Variants in EDAR observed in about 807,000 individuals in gnomAD.
The protein encoded by EDAR is tumor necrosis factor receptor superfamily member EDAR.
In EDAR, 38 loss-of-function variants were observed where a neutral mutation model predicts 51.3. The ratio of observed to expected loss-of-function variants is 0.74; its 90% CI spans 0.57 to 0.97. The LOEUF (loss-of-function observed/expected upper bound fraction) is 0.97, where lower values mean the gene tolerates loss of function less well. Ranked by LOEUF, EDAR falls within the 50% of genes least tolerant of loss-of-function variation. The pLI, the probability that EDAR is intolerant of heterozygous loss-of-function variation, is 0.00. For synonymous variants in EDAR, 227 were observed against 242.1 expected (o/e 0.94, Z 0.58); for missense variants, 528 against 595.0 (o/e 0.89, Z 1.17).
intron 8 of EDAR, 25 bp from the exon 9 acceptor site, chr2:108,910,557 GA>G (rs751570024): frequency 1.3e-6 from 2 of 1,596,436 alleles, no homozygotes; most frequent in South Asian, 2.2e-5. Context: ...GGAGGTTGGG[GA>G]GATAGGAGTT....
chr2:108,967,708 T>C (rs1342791676), intron 1 of EDAR, among the ~76,000 whole-genome samples: 1 of 152,180 alleles, frequency 6.6e-6, no homozygotes, highest in Non-Finnish European at 1.5e-5. Context: ...TCTTTTCCCC[T>C]TATCCCTCAA....
chr2:108,957,502 G>A (rs1467039496), intron 1 of EDAR, among the ~76,000 whole-genome samples: 2 of 152,232 alleles, frequency 1.3e-5, no homozygotes, highest in Non-Finnish European at 2.9e-5. Context: ...CAGGGGGCTG[G>A]ATGGTTCTAT....
At chr2:108,912,290 A>G (rs553918595) in intron 6 of EDAR, among the ~76,000 whole-genome samples, 5 of 152,328 alleles carry the variant, frequency 3.3e-5, no homozygotes, top group African/African-American at 9.6e-5. Context: ...TCTGCAAGTT[A>G]ATATTAAAGT....
intron 2 of EDAR, 129 bp downstream of exon 2, chr2:108,930,835 C>A: frequency 9.6e-7 from 1 of 1,045,832 alleles, no homozygotes; most frequent in Non-Finnish European, 1.5e-6. Flanking sequence ...TTTCATTTCA[C>A]CCTCAGAAGA....
At chr2:108,919,440 C>A (rs1423577374) in intron 5 of EDAR, among the ~76,000 whole-genome samples, 1 of 152,168 alleles carries the variant, frequency 6.6e-6, no homozygotes, top group African/African-American at 2.4e-5. Context: ...TTCACCGCAA[C>A]CTCCATCTCC....
In EDAR at chr2:108,937,764, T is replaced by C. The variant is rs13428167; in HGVS notation, c.-18-6732A>G. Among the ~76,000 whole-genome samples, 1,105 of 152,178 alleles carry C rather than the reference T, an allele frequency of 7.3e-3. 17 individuals are homozygous for C. Among genetic ancestry groups the C allele is most frequent in the African/African-American group, 0.024 (1,016 of 41,492 alleles). The stretch of plus-strand genomic sequence containing the variant: ...GAGTGTATGCATATGAATGTATGTG[T>C]GTGAATGTATGTGTGTGTATGTGGC... On this transcript the variant is annotated intron_variant, in intron 1 of 11. Coordinates refer to ENST00000258443, the MANE Select transcript of EDAR (RefSeq NM_022336.4).
chr2:108,949,560 C>T (rs945129217), intron 1 of EDAR, among the ~76,000 whole-genome samples: 3 of 152,178 alleles, frequency 2.0e-5, no homozygotes, highest in Non-Finnish European at 4.4e-5. Context: ...CAGTGCATGA[C>T]TTGCAATTAA....
rs1429907819 is a variant in EDAR at position 108,896,924 on chromosome 2, G to A, written c.1330C>T (p.Pro444Ser). The part of the protein sequence containing the change: ...WAGVVPPASQ[P>S]HAAS ...CATGCTTTTCAGGATGCAGCATGTG[G>A]CTGGGAGGCAGGTGGCACAACCCCC... Residue 444 changes from proline (P) to serine (S), a missense_variant, in exon 12 of 12, where the codon CCA (proline) becomes TCA (serine). By Grantham distance (74) the Pro-to-Ser change is moderately conservative. Transcript: ENST00000258443. 1 of 1,612,640 alleles carries A rather than the reference G, an allele frequency of 6.2e-7. No homozygotes were observed. Among genetic ancestry groups the A allele is most frequent in the East Asian group, 2.2e-5 (1 of 44,812 alleles).
At chr2:108,924,083 AC>A (rs1345671496) in intron 4 of EDAR, among the ~76,000 whole-genome samples, 9 of 152,298 alleles carry the variant, frequency 5.9e-5, no homozygotes, top group African/African-American at 2.2e-4. Flanking sequence ...GACAGAAGAC[AC>A]CCTTGGAAGT....
intron 5 of EDAR, among the ~76,000 whole-genome samples, chr2:108,913,949 CAAA>C (rs71383816): frequency 2.7e-5 from 3 of 109,154 alleles, no homozygotes; most frequent in African/African-American, 1.1e-4. Flanking sequence ...GATTCCGTCT[CAAA>C]AAAAAAAAAA....
At chr2:108,932,289 G>A (rs957278474) in intron 1 of EDAR, among the ~76,000 whole-genome samples, 10 of 152,066 alleles carry the variant, frequency 6.6e-5, no homozygotes, top group African/African-American at 2.4e-4. Context: ...AGCACTTTGG[G>A]AGGCTGAGAC....
chr2:108,926,573 CG>C (rs1401803689), intron 4 of EDAR, among the ~76,000 whole-genome samples: 1 of 152,198 alleles, frequency 6.6e-6, no homozygotes, highest in Non-Finnish European at 1.5e-5. Flanking sequence ...TCCAGAATCG[CG>C]GGGTGGTGGA....
rs74614658 is a variant in EDAR, at chr2:108,916,964, C to G, written c.443-4200G>C. 2.5e-3 allele frequency among the ~76,000 whole-genome samples: 374 copies of G among 152,272 alleles called. 4 individuals carry two copies. The highest frequency in any genetic ancestry group is 8.6e-3 in the African/African-American group (358 of 41,536). Reference sequence around the variant, plus strand: ...GGATTCAGACTTGCCCACAGGCCACCCAGGCCACCAAAGGGCAGCAGCTCA... The same window carrying G: ...GGATTCAGACTTGCCCACAGGCCACGCAGGCCACCAAAGGGCAGCAGCTCA... On this transcript the variant is annotated intron_variant, in intron 5 of 11. Coordinates refer to ENST00000258443, the MANE Select transcript of EDAR (RefSeq NM_022336.4).
At chr2:108,984,964 G>A (rs2104487773) in intron 1 of EDAR, among the ~76,000 whole-genome samples, 1 of 152,320 alleles carries the variant, frequency 6.6e-6, no homozygotes, top group East Asian at 1.9e-4. Flanking sequence ...GCAAATGGAA[G>A]TTTTAAGAGA....
At chr2:108,980,532 A>T (rs2104472621) in intron 1 of EDAR, among the ~76,000 whole-genome samples, 1 of 152,216 alleles carries the variant, frequency 6.6e-6, no homozygotes, top group South Asian at 2.1e-4. Flanking sequence ...TTACATATAT[A>T]TATTTATGTG....
chr2:108,975,075 G>A (rs116586206), intron 1 of EDAR, among the ~76,000 whole-genome samples: 7,049 of 152,246 alleles, frequency 0.046, 225 homozygotes, highest in Non-Finnish European at 0.071. Flanking sequence ...GCTTTTCCAC[G>A]GAGCCTAGCC....
chr2:108,959,986 G>C (rs1698007600), intron 1 of EDAR, among the ~76,000 whole-genome samples: 1 of 152,194 alleles, frequency 6.6e-6, no homozygotes, highest in Admixed American at 6.5e-5. Flanking sequence ...AAACATGCTA[G>C]TCTGCAGCCA....
At position 108,929,494 on chromosome 2, in the gene EDAR, C is replaced by T. The variant is rs28657754; in HGVS notation, c.175-115G>A. On this transcript the variant is annotated intron_variant, in intron 3 of 11. Coordinates refer to ENST00000258443, the MANE Select transcript of EDAR (RefSeq NM_022336.4). ...AGCTGTCTCCAGAAGCTACTCTTGC[C>T]GGGCCTTGGTTTCCTGAGTTGTCCT... The T allele has an allele frequency of 8.7e-4, 1,001 of 1,154,968 alleles. 8 individuals carry two copies. The African/African-American group carries it at 0.013, about 15-fold the overall frequency. 71.5% of individuals were successfully genotyped at this position (1,154,968 alleles called of 1,614,324 possible). A position where few individuals can be genotyped will look rare whatever the true frequency, so the allele number is the denominator to read the frequency against.
chr2:108,955,754 C>CGGTG (rs758378131), intron 1 of EDAR, among the ~76,000 whole-genome samples: 25 of 151,856 alleles, frequency 1.6e-4, no homozygotes, highest in Non-Finnish European at 2.8e-4. Flanking sequence ...AGGTAGGGCG[C>CGGTG]GGTGGCTCAT....
Sources: gnomAD v4.1 joint callset for allele counts (sites outside exome capture counted in the v4.1 genomes callset) on GRCh38, gnomAD v4.1.1 for gene constraint, MANE v1.5 for transcripts, NCBI Gene and HGNC (gene_info 2026-07-23, HGNC 2026-07-21) for gene names.